The following MEGF11 variants were observed in gnomAD, a reference collection of about 807,000 sequenced individuals.
MEGF11 encodes multiple epidermal growth factor-like domains protein 11.
A neutral mutation model predicts 146.6 loss-of-function variants in MEGF11; 126 were observed. That is an observed-to-expected ratio of 0.86 (90% CI 0.74 to 1.00). MEGF11 has a LOEUF of 1.00. Among genes scored for constraint, MEGF11 ranks in the 50% least tolerant of loss-of-function variants. MEGF11 has a pLI of 0.00. For missense variants in MEGF11, 1,509 were observed against 1,521.2 expected (o/e 0.99, Z 0.13); for synonymous variants, 532 against 583.4 (o/e 0.91, Z 1.27).
chr15:65,924,760 G>A (rs191381248), intron 13 of MEGF11, among the ~76,000 whole-genome samples: 13 of 151,876 alleles, frequency 8.6e-5, no homozygotes, highest in African/African-American at 3.1e-4. Flanking sequence ...CGAGTAGCTG[G>A]GATTACAGGT....
In MEGF11 at chr15:66,203,494, T is replaced by C. The variant is rs543075277; in HGVS notation, c.-9+50111A>G. 2.6e-5 allele frequency among the ~76,000 whole-genome samples: 4 copies of C among 152,314 alleles called. No homozygotes were observed. The East Asian group carries it at 7.7e-4, about 29-fold the overall frequency. On this transcript the variant is annotated intron_variant, in intron 1 of 25. Coordinates refer to ENST00000395614, the MANE Select transcript of MEGF11 (RefSeq NM_001385028.1). Reference sequence around the variant, plus strand: ...TCTAAGTTGTCCTAAATCTAAACTCTGAGTATGTGAGGGTGAACTCTCAGG... The same window carrying C: ...TCTAAGTTGTCCTAAATCTAAACTCCGAGTATGTGAGGGTGAACTCTCAGG...
At chr15:66,240,941 CT>C (rs1189869569) in intron 1 of MEGF11, among the ~76,000 whole-genome samples, 1 of 152,244 alleles carries the variant, frequency 6.6e-6, no homozygotes, top group Non-Finnish European at 1.5e-5. Flanking sequence ...ACATCTTTGA[CT>C]CCTTTGTTTC....
At chr15:66,128,768 G>C (rs1597111063) in intron 1 of MEGF11, among the ~76,000 whole-genome samples, 2 of 152,156 alleles carry the variant, frequency 1.3e-5, no homozygotes, top group African/African-American at 2.4e-5. Context: ...CCCAGATCTG[G>C]ACTGCTTTAA....
At chr15:66,080,159 A>G (rs1597061903) in intron 5 of MEGF11, among the ~76,000 whole-genome samples, 1 of 152,262 alleles carries the variant, frequency 6.6e-6, no homozygotes, top group East Asian at 1.9e-4. Context: ...GCCCCCCAGG[A>G]CTCAGGGGCT....
At chr15:66,130,066 C>A (rs926926301) in intron 1 of MEGF11, among the ~76,000 whole-genome samples, 1 of 152,160 alleles carries the variant, frequency 6.6e-6, no homozygotes, top group Non-Finnish European at 1.5e-5. Context: ...CCCAGAGACC[C>A]AATGAGCACC....
chr15:66,226,254 T>C (rs995383330), intron 1 of MEGF11, among the ~76,000 whole-genome samples: 17 of 121,396 alleles, frequency 1.4e-4, no homozygotes, highest in Non-Finnish European at 2.0e-4. Context: ...CTTATTTTAC[T>C]TTTTTTTTTT....
chr15:66,061,641 C>CT (rs68146356), intron 5 of MEGF11, among the ~76,000 whole-genome samples: 10,784 of 143,138 alleles, frequency 0.075, 715 homozygotes, highest in African/African-American at 0.17. Context: ...TTTTTTGAGC[C>CT]TTTTTTTTTT....
At chr15:66,243,209 C>T (rs1012785211) in intron 1 of MEGF11, among the ~76,000 whole-genome samples, 8 of 152,244 alleles carry the variant, frequency 5.3e-5, no homozygotes, top group South Asian at 2.1e-4. Flanking sequence ...ATTCCTGAGG[C>T]TGCTGCCCTG....
intron 22 of MEGF11, 62 bp from the exon 23 acceptor site, chr15:65,909,197 G>T (rs558013046): frequency 2.8e-4 from 333 of 1,202,334 alleles, no homozygotes; most frequent in Middle Eastern, 1.1e-3. Flanking sequence ...GCAGGGGAAG[G>T]GGGTAGGAAG....
chr15:65,972,141 A>T (rs185900439), intron 7 of MEGF11, among the ~76,000 whole-genome samples: 1 of 152,266 alleles, frequency 6.6e-6, no homozygotes, highest in Non-Finnish European at 1.5e-5. Flanking sequence ...AGATGAGATT[A>T]AAAATAATAG....
chr15:66,160,603 C>G (rs148323996), intron 1 of MEGF11, among the ~76,000 whole-genome samples: 1 of 151,680 alleles, frequency 6.6e-6, no homozygotes, highest in African/African-American at 2.4e-5. Context: ...TTCATTCATG[C>G]ATTCAATAAG....
intron 1 of MEGF11, among the ~76,000 whole-genome samples, chr15:66,152,988 C>T (rs772245533): frequency 9.9e-5 from 15 of 152,208 alleles, no homozygotes; most frequent in Non-Finnish European, 1.6e-4. Flanking sequence ...CCCCTGCTCT[C>T]CGCTCCTTCC....
chr15:66,179,755 T>C (rs1325278966), intron 1 of MEGF11, among the ~76,000 whole-genome samples: 2 of 152,046 alleles, frequency 1.3e-5, no homozygotes, highest in Non-Finnish European at 2.9e-5. Context: ...ACTTATCTAA[T>C]CTATGAACTC....
chr15:65,957,954 AAGG>A (rs1396546029), intron 9 of MEGF11, among the ~76,000 whole-genome samples: 2 of 152,216 alleles, frequency 1.3e-5, no homozygotes, highest in Non-Finnish European at 2.9e-5. Context: ...AGTCAACAGC[AAGG>A]AGAAGTCAAG....
intron 15 of MEGF11, among the ~76,000 whole-genome samples, chr15:65,920,215 A>G (rs569899665): frequency 6.6e-6 from 1 of 152,300 alleles, no homozygotes; most frequent in East Asian, 1.9e-4. Context: ...TCCTAGGACC[A>G]TGGTTAGTAG....
chr15:66,017,715 C>A (rs1273985333), intron 5 of MEGF11, among the ~76,000 whole-genome samples: 1 of 152,228 alleles, frequency 6.6e-6, no homozygotes, highest in African/African-American at 2.4e-5. Context: ...AGGCTATTTG[C>A]TGATGTCTTT....
At chr15:66,141,280 G>A (rs964206922) in intron 1 of MEGF11, among the ~76,000 whole-genome samples, 2 of 132,238 alleles carry the variant, frequency 1.5e-5, no homozygotes, top group Non-Finnish European at 3.3e-5. Context: ...GTGTGTGTGT[G>A]TGTGTGTGTG....
intron 6 of MEGF11, 55 bp from the exon 7 acceptor site, chr15:65,980,953 G>A: frequency 6.7e-7 from 1 of 1,490,522 alleles, no homozygotes; most frequent in Non-Finnish European, 8.9e-7. Flanking sequence ...AGGTGGCAGG[G>A]CCCCAGTGCT....
At chr15:66,033,789 TTTTTTA>T (rs1367840098) in intron 5 of MEGF11, among the ~76,000 whole-genome samples, 1 of 152,228 alleles carries the variant, frequency 6.6e-6, no homozygotes, top group African/African-American at 2.4e-5. Context: ...TTTATTTTTA[TTTTTTA>T]TTTTTATTTT....
Sources: gnomAD v4.1 joint callset for allele counts (sites outside exome capture counted in the v4.1 genomes callset) on GRCh38, gnomAD v4.1.1 for gene constraint, MANE v1.5 for transcripts, NCBI Gene and HGNC (gene_info 2026-07-23, HGNC 2026-07-21) for gene names.